Variants in IMMP2L observed in about 807,000 individuals in gnomAD.
The protein encoded by IMMP2L is mitochondrial inner membrane protease subunit 2.
IMMP2L carries 18 observed loss-of-function variants against 19.3 expected under a neutral mutation model. That is an observed-to-expected ratio of 0.93 (90% CI 0.64 to 1.38). IMMP2L has a LOEUF of 1.38. IMMP2L is among the 40% of genes most tolerant of loss of function. IMMP2L has a pLI of 0.00. For missense variants in IMMP2L, 233 were observed against 218.2 expected, an observed-to-expected ratio of 1.07 and a Z score of -0.43; for synonymous variants, 76 against 73.0, an observed-to-expected ratio of 1.04 and a Z score of -0.21.
At chr7:111,016,566 AATACATACAT>A (rs1435610416) in intron 3 of IMMP2L, among the ~76,000 whole-genome samples, 2 of 118,140 alleles carry the variant, frequency 1.7e-5, no homozygotes, top group Non-Finnish European at 3.2e-5. Flanking sequence ...TATAATATAT[AATACATACAT>A]ATACATATAT....
At chr7:111,004,458 C>A (rs1191838790) in intron 3 of IMMP2L, among the ~76,000 whole-genome samples, 1 of 152,126 alleles carries the variant, frequency 6.6e-6, no homozygotes, top group African/African-American at 2.4e-5. Flanking sequence ...AAACAACACA[C>A]CTAGCCTGTT....
At chr7:111,059,545 T>G (rs536253018) in intron 3 of IMMP2L, among the ~76,000 whole-genome samples, 13 of 152,272 alleles carry the variant, frequency 8.5e-5, no homozygotes, top group African/African-American at 3.1e-4. Context: ...TAACACTTCA[T>G]GAGGGGAGGG....
intron 3 of IMMP2L, among the ~76,000 whole-genome samples, chr7:110,970,420 A>ATG (rs371448902): frequency 8.6e-5 from 13 of 151,984 alleles, no homozygotes; most frequent in Non-Finnish European, 1.3e-4. Flanking sequence ...CATATGTAAA[A>ATG]TGTGTGTGTG....
chr7:110,694,263 G>A (rs1793714544), intron 5 of IMMP2L, among the ~76,000 whole-genome samples: 2 of 152,252 alleles, frequency 1.3e-5, no homozygotes, highest in African/African-American at 2.4e-5. Context: ...TGTTCTGGGT[G>A]ATGACTTATG....
At chr7:110,995,130 C>T (rs900329406) in intron 3 of IMMP2L, among the ~76,000 whole-genome samples, 1 of 151,984 alleles carries the variant, frequency 6.6e-6, no homozygotes, top group Admixed American at 6.6e-5. Context: ...CATACCAAGA[C>T]CGAGAACTCA....
intron 5 of IMMP2L, among the ~76,000 whole-genome samples, chr7:110,775,857 T>G (rs1799348863): frequency 6.6e-6 from 1 of 151,974 alleles, no homozygotes; most frequent in South Asian, 2.1e-4. Flanking sequence ...TTCTCCTTGT[T>G]AGTATTCCAT....
intron 3 of IMMP2L, among the ~76,000 whole-genome samples, chr7:111,242,699 G>A (rs188167468): frequency 8.8e-4 from 134 of 151,900 alleles, no homozygotes; most frequent in African/African-American, 3.2e-3. Context: ...CATCTCAGAT[G>A]ACCACTCTAA....
At chr7:111,160,166 A>T (rs1805095688) in intron 3 of IMMP2L, among the ~76,000 whole-genome samples, 1 of 152,158 alleles carries the variant, frequency 6.6e-6, no homozygotes, top group Non-Finnish European at 1.5e-5. Context: ...ATATATCCAA[A>T]AAAATGCAAT....
intron 5 of IMMP2L, among the ~76,000 whole-genome samples, chr7:110,683,417 G>A (rs1304701184): frequency 6.6e-6 from 1 of 151,966 alleles, no homozygotes; most frequent in Non-Finnish European, 1.5e-5. Context: ...AAAAACTTTT[G>A]TTTAGTGAAA....
intron 3 of IMMP2L, among the ~76,000 whole-genome samples, chr7:111,472,361 A>G (rs1841346664): frequency 6.6e-6 from 1 of 152,164 alleles, no homozygotes; most frequent in South Asian, 2.1e-4. Context: ...GTAACTTACT[A>G]AGGCATCATG....
At chr7:110,828,278 G>A (rs966462291) in intron 5 of IMMP2L, among the ~76,000 whole-genome samples, 4 of 152,082 alleles carry the variant, frequency 2.6e-5, no homozygotes, top group South Asian at 2.1e-4. Flanking sequence ...TACGGCCCAC[G>A]GGCCATAGTT....
intron 3 of IMMP2L, among the ~76,000 whole-genome samples, chr7:111,204,412 A>G (rs559391870): frequency 5.3e-5 from 8 of 152,302 alleles, no homozygotes; most frequent in Non-Finnish European, 1.2e-4. Flanking sequence ...AACATATATG[A>G]AAAAATATCT....
intron 1 of IMMP2L, among the ~76,000 whole-genome samples, chr7:111,558,763 A>C (rs148010940): frequency 6.6e-6 from 1 of 152,322 alleles, no homozygotes; most frequent in African/African-American, 2.4e-5. Flanking sequence ...AGCTTTCCTT[A>C]GTACCTTTAG....
At chr7:110,823,336 A>T (rs1390954587) in intron 5 of IMMP2L, among the ~76,000 whole-genome samples, 1 of 152,066 alleles carries the variant, frequency 6.6e-6, no homozygotes, top group African/African-American at 2.4e-5. Flanking sequence ...TACAGTAGAC[A>T]CAAGTTTGTC....
chr7:110,954,031 A>C (rs1400213316), intron 4 of IMMP2L, among the ~76,000 whole-genome samples: 2 of 152,022 alleles, frequency 1.3e-5, no homozygotes, highest in African/African-American at 4.8e-5. Context: ...TAATCTTTTC[A>C]GTGTGACATA....
chr7:110,669,027 AT>A (rs1791671965), intron 5 of IMMP2L, among the ~76,000 whole-genome samples: 5 of 17,966 alleles, frequency 2.8e-4, no homozygotes, highest in South Asian at 7.2e-3. Context: ...AACCAACAGT[AT>A]GTGTGTGTGT....
chr7:110,720,661 TG>T (rs1458208722), intron 5 of IMMP2L, among the ~76,000 whole-genome samples: 2 of 152,170 alleles, frequency 1.3e-5, no homozygotes, highest in Non-Finnish European at 2.9e-5. Context: ...TGATACTGGC[TG>T]GGGCCCTTCT....
intron 3 of IMMP2L, among the ~76,000 whole-genome samples, chr7:111,232,577 G>A (rs1813835768): frequency 6.6e-6 from 1 of 151,744 alleles, no homozygotes; most frequent in Non-Finnish European, 1.5e-5. Flanking sequence ...GTTAGCCCAA[G>A]TTACATTAGA....
chr7:111,153,468 G>A (rs1804296245), intron 3 of IMMP2L, among the ~76,000 whole-genome samples: 1 of 151,954 alleles, frequency 6.6e-6, no homozygotes, highest in Non-Finnish European at 1.5e-5. Flanking sequence ...GATTGTTAAA[G>A]GATGTTTTGA....
Sources: gnomAD v4.1 joint callset for allele counts (sites outside exome capture counted in the v4.1 genomes callset) on GRCh38, gnomAD v4.1.1 for gene constraint, MANE v1.5 for transcripts, NCBI Gene and HGNC (gene_info 2026-07-23, HGNC 2026-07-21) for gene names.